The following MTUS1 variants were observed in gnomAD, a reference collection of about 807,000 sequenced individuals.
MTUS1 encodes microtubule associated scaffold protein 1, also known as microtubule-associated tumor suppressor 1.
In MTUS1, 109 loss-of-function variants were observed where a neutral mutation model predicts 120.8. The ratio of observed to expected loss-of-function variants is 0.90; its 90% CI spans 0.77 to 1.06. The LOEUF is 1.06. Ranked by LOEUF, MTUS1 falls within the 50% of genes least tolerant of loss-of-function variation. The pLI, the probability that MTUS1 is intolerant of heterozygous loss-of-function variation, is 0.00. For missense variants in MTUS1, 2,210 were observed against 1,486.3 expected (o/e 1.49, Z -8.01); for synonymous variants, 737 against 550.5 (o/e 1.34, Z -4.74).
chr8:17,684,343 C>G lies in MTUS1; in HGVS notation c.2823G>C (p.Gln941His), dbSNP rs764784058. 29 of 1,613,788 alleles carry G rather than the reference C, an allele frequency of 1.8e-5. No homozygotes were observed. The South Asian group carries it at 3.2e-4, about 18-fold the overall frequency. The change falls in exon 7 of 15, where the codon CAG becomes CAC. Residue 941 changes from glutamine to histidine, a missense_variant. By Grantham distance (24) the Gln-to-His change is conservative. Transcript: ENST00000693296. ...TKFEALTVVIQHLLSEREEAL... is the reference protein window; with the variant it reads ...TKFEALTVVIHHLLSEREEAL... ...ACCTCCTTACCTCAGACAGCAGGTG[C>G]TGAATCACAACTGTCAATGCCTCAA...
chr8:17,679,999 G>A (rs1814011908), intron 7 of MTUS1, among the ~76,000 whole-genome samples: 1 of 152,168 alleles, frequency 6.6e-6, no homozygotes, highest in Non-Finnish European at 1.5e-5. Context: ...GGTTTCATAA[G>A]AAAGAACTAG....
intron 7 of MTUS1, among the ~76,000 whole-genome samples, chr8:17,675,483 C>T (rs897659437): frequency 1.3e-5 from 2 of 152,176 alleles, no homozygotes; most frequent in African/African-American, 2.4e-5. Context: ...TTTGGTTTGA[C>T]GCAGTGAATG....
At position 17,754,116 on chromosome 8, in the gene MTUS1, G is replaced by C. The variant is rs752063526; in HGVS notation, c.1692C>G (p.Asp564Glu). ...TGTTAATTAGAATTTCTGCTTTTTTGTCTGCATTCAAGTCAGATCTCGGTG... is the reference window on the plus strand; with the variant it reads ...TGTTAATTAGAATTTCTGCTTTTTTCTCTGCATTCAAGTCAGATCTCGGTG... Reference protein sequence around the residue: ...SRTPRSDLNADKKAEILINKT... With the variant: ...SRTPRSDLNAEKKAEILINKT... Residue 564 changes from aspartate to glutamate, a missense_variant, in exon 2 of 15, where the codon GAC becomes GAG. Asp to Glu is a conservative substitution (Grantham distance 45, BLOSUM62 2). Transcript: ENST00000693296. 13 of 1,613,644 alleles carry C rather than the reference G, an allele frequency of 8.1e-6. No individual in the cohort carries two copies. The South Asian group carries it at 1.1e-4, about 14-fold the overall frequency.
intron 11 of MTUS1, 55 bp from the exon 12 acceptor site, chr8:17,653,336 G>C (rs1384659766): frequency 1.3e-6 from 2 of 1,485,098 alleles, no homozygotes; most frequent in African/African-American, 1.4e-5. Flanking sequence ...CAGAAACTCA[G>C]CATACGTACA....
chr8:17,793,698 C>G (rs2051988691), intron 1 of MTUS1, among the ~76,000 whole-genome samples: 1 of 152,126 alleles, frequency 6.6e-6, no homozygotes, highest in African/African-American at 2.4e-5. Flanking sequence ...GAGTACAGTG[C>G]TAAGTATTTT....
intron 7 of MTUS1, among the ~76,000 whole-genome samples, chr8:17,677,719 CACAGTA>C (rs1813407769): frequency 6.6e-6 from 1 of 152,270 alleles, no homozygotes; most frequent in Admixed American, 6.5e-5. Flanking sequence ...CTCTGTCAGG[CACAGTA>C]ACAGTAACAG....
intron 14 of MTUS1, among the ~76,000 whole-genome samples, chr8:17,646,636 G>C (rs569226436): frequency 8.5e-5 from 13 of 152,200 alleles, no homozygotes; most frequent in African/African-American, 3.1e-4. Context: ...TTCATAGTAG[G>C]CTGAGAGCCA....
At chr8:17,653,345 C>G (rs779598261) in intron 11 of MTUS1, 64 bp from the exon 12 acceptor site, 6 of 1,507,278 alleles carry the variant, frequency 4.0e-6, no homozygotes, top group Non-Finnish European at 5.4e-6. Context: ...AGCATACGTA[C>G]ACAGAAACAT....
At chr8:17,661,944 C>T (rs1182326104) in intron 8 of MTUS1, among the ~76,000 whole-genome samples, 1 of 152,180 alleles carries the variant, frequency 6.6e-6, no homozygotes, top group African/African-American at 2.4e-5. Flanking sequence ...GCGAAGGAAA[C>T]ATTTATTTGG....
chr8:17,697,213 A>G, intron 6 of MTUS1: 1 of 1,543,006 alleles, frequency 6.5e-7, no homozygotes, highest in Non-Finnish European at 8.8e-7. Context: ...ATTAATGAAG[A>G]CATCCCCCGT....
chr8:17,783,032 C>G (rs34943460), intron 1 of MTUS1, among the ~76,000 whole-genome samples: 40,981 of 152,044 alleles, frequency 0.27, 7,099 homozygotes, highest in African/African-American at 0.47. Context: ...GAGCCAAGAT[C>G]GTGCCATTGC....
At chr8:17,781,105 T>G (rs429545) in intron 1 of MTUS1, 5 of 152,160 alleles carry the variant, frequency 3.3e-5, no homozygotes, top group African/African-American at 9.6e-5. Flanking sequence ...AATAAGAGTG[T>G]GCCTGTTTTT....
intron 1 of MTUS1, among the ~76,000 whole-genome samples, chr8:17,773,794 G>T (rs2131467494): frequency 6.6e-6 from 1 of 151,806 alleles, no homozygotes; most frequent in East Asian, 1.9e-4. Flanking sequence ...AATCCCACAG[G>T]GTCTTTCCAG....
chr8:17,795,898 A>G (rs1025064272), intron 1 of MTUS1, among the ~76,000 whole-genome samples: 1 of 151,946 alleles, frequency 6.6e-6, no homozygotes, highest in Non-Finnish European at 1.5e-5. Flanking sequence ...GGCCTCCCAA[A>G]TTGCTGGGAT....
intron 2 of MTUS1, among the ~76,000 whole-genome samples, chr8:17,753,512 G>A (rs1471168926): frequency 6.6e-6 from 1 of 152,110 alleles, no homozygotes; most frequent in Non-Finnish European, 1.5e-5. Context: ...TACTGAAATT[G>A]AGGATTTTTT....
chr8:17,760,347 T>G (rs550056521), intron 1 of MTUS1, among the ~76,000 whole-genome samples: 15 of 152,340 alleles, frequency 9.8e-5, no homozygotes, highest in African/African-American at 3.6e-4. Context: ...TCTCTTCTAC[T>G]TTGTAGACAA....
intron 3 of MTUS1, among the ~76,000 whole-genome samples, chr8:17,732,957 C>T (rs1377989196): frequency 1.3e-5 from 2 of 152,114 alleles, no homozygotes; most frequent in Non-Finnish European, 2.9e-5. Flanking sequence ...CCTACTTCAC[C>T]CATATCCAAT....
At chr8:17,767,133 C>A (rs1236074151) in intron 1 of MTUS1, among the ~76,000 whole-genome samples, 1 of 143,144 alleles carries the variant, frequency 7.0e-6, no homozygotes, top group Non-Finnish European at 1.5e-5. Flanking sequence ...TGAATACATT[C>A]CAGCTGATAA....
rs1450322519 is a variant in MTUS1, at chr8:17,715,915, G to GA, written c.2450-15dup. The GA allele has an allele frequency of 5.6e-6, 9 of 1,604,384 alleles. No individual in the cohort carries two copies. In the Admixed American group the frequency reaches 8.7e-5, roughly 16 times the overall value. On this transcript the variant is annotated splice_polypyrimidine_tract_variant and intron_variant, in intron 4 of 14. Coordinates refer to ENST00000693296, the MANE Select transcript of MTUS1 (RefSeq NM_001363059.2). ...CGGCATTACCAGCTGTAATAAAACA[G>GA]AAAAGTACATTTTATTGTATAGATA...
Sources: gnomAD v4.1 joint callset for allele counts (sites outside exome capture counted in the v4.1 genomes callset) on GRCh38, gnomAD v4.1.1 for gene constraint, MANE v1.5 for transcripts, NCBI Gene and HGNC (gene_info 2026-07-23, HGNC 2026-07-21) for gene names.